PCDHA6: variants seen among roughly 807,000 people sequenced by gnomAD.
PCDHA6 encodes the protein protocadherin alpha 6.
PCDHA6 carries 55 observed loss-of-function variants against 60.3 expected under a neutral mutation model. The ratio of observed to expected loss-of-function variants is 0.91; its 90% confidence interval spans 0.73 to 1.14. The LOEUF (loss-of-function observed/expected upper bound fraction) is 1.14, where lower values mean the gene tolerates loss of function less well. Ranked by LOEUF, PCDHA6 falls within the 50% of genes most tolerant of loss-of-function variation. The pLI is 0.00. For missense variants in PCDHA6, 1,327 were observed against 1,256.5 expected (o/e 1.06, Z -0.85); for synonymous variants, 652 against 557.9 (o/e 1.17, Z -2.38).
At position 140,850,017 on chromosome 5, in the gene PCDHA6, G is replaced by A. The variant is rs149779533; in HGVS notation, c.2394+19532G>A. On this transcript the variant is annotated intron_variant, in intron 1 of 3. Transcript: ENST00000529310. ...GGGCGAGCGCTCGCTGTCGAGCTAC[G>A]TGTCAGTGCACGCGGAGAGCGGCAA... is the stretch of plus-strand genomic sequence containing the variant. 9,030 of 1,596,972 alleles carry A rather than the reference G, an allele frequency of 5.7e-3. 796 individuals are homozygous for A. Among genetic ancestry groups the A allele is most frequent in the South Asian group, 0.03 (2,755 of 90,494 alleles).
chr5:140,975,127 T>C (rs1331047394), intron 1 of PCDHA6, among the ~76,000 whole-genome samples: 2 of 152,288 alleles, frequency 1.3e-5, no homozygotes, highest in East Asian at 1.9e-4. Flanking sequence ...CTACTTACTA[T>C]TGGCCTGGGG....
At chr5:140,904,199 C>A (rs2070936424) in intron 1 of PCDHA6, among the ~76,000 whole-genome samples, 1 of 151,944 alleles carries the variant, frequency 6.6e-6, no homozygotes, top group Non-Finnish European at 1.5e-5. Flanking sequence ...CCCTTTCCCC[C>A]TAAGTCCCCA....
chr5:140,929,522 T>G, intron 1 of PCDHA6: 1 of 727,900 alleles, frequency 1.4e-6, no homozygotes. Context: ...GACTTATAGT[T>G]TATTTTTGAG....
At chr5:140,833,837 T>C (rs1469438718) in intron 1 of PCDHA6, among the ~76,000 whole-genome samples, 1 of 152,176 alleles carries the variant, frequency 6.6e-6, no homozygotes, top group African/African-American at 2.4e-5. Context: ...GAGTACAGGA[T>C]TTTTCTTAAC....
intron 1 of PCDHA6, chr5:140,868,929 AG>A: frequency 9.3e-7 from 1 of 1,070,938 alleles, no homozygotes; most frequent in Non-Finnish European, 1.3e-6. Context: ...GTTCATTTAA[AG>A]GTTGGTCTGA....
chr5:140,836,909 C>T (rs1173581620), intron 1 of PCDHA6: 1 of 579,626 alleles, frequency 1.7e-6, no homozygotes, highest in Non-Finnish European at 2.9e-6. Context: ...TTAATATACA[C>T]TTTTGTTTTG....
rs1781426453 is a variant in PCDHA6, at chr5:140,848,298, G to A, written c.2394+17813G>A. On this transcript the variant is annotated intron_variant, in intron 1 of 3. Transcript: ENST00000529310. ...TATGTACTTACACTTTGGGCCACGTGATGTCACTCTTTGCCGCGATGTTCT... is the reference window on the plus strand; with the variant it reads ...TATGTACTTACACTTTGGGCCACGTAATGTCACTCTTTGCCGCGATGTTCT... 1.4e-5 allele frequency: 9 copies of A among 661,966 alleles called. 1 individual carries two copies. The Admixed American group carries it at 2.4e-4, about 18-fold the overall frequency. The allele number at this position is 661,966 out of a possible 1,614,324, so 41.0% of individuals were successfully genotyped here. A position where few individuals can be genotyped will look rare whatever the true frequency, so the allele number is the denominator to read the frequency against.
intron 3 of PCDHA6, among the ~76,000 whole-genome samples, chr5:140,999,772 T>A (rs1186405321): frequency 6.6e-6 from 1 of 152,182 alleles, no homozygotes; most frequent in Non-Finnish European, 1.5e-5. Flanking sequence ...CTTTATACTC[T>A]TAACCTAGAA....
At chr5:140,844,920 G>A (rs1554140772) in intron 1 of PCDHA6, among the ~76,000 whole-genome samples, 1 of 149,212 alleles carries the variant, frequency 6.7e-6, no homozygotes, top group Non-Finnish European at 1.5e-5. Context: ...AGAAATTGAT[G>A]GAAGGGAATG....
At chr5:140,891,963 A>C (rs1202145353) in intron 1 of PCDHA6, among the ~76,000 whole-genome samples, 1 of 152,214 alleles carries the variant, frequency 6.6e-6, no homozygotes, top group African/African-American at 2.4e-5. Flanking sequence ...TGTGAGAAGT[A>C]AATTTCCGTT....
intron 1 of PCDHA6, chr5:140,870,176 TACGAGAGG>T: frequency 6.2e-7 from 1 of 1,614,126 alleles, no homozygotes; most frequent in Non-Finnish European, 8.5e-7. Flanking sequence ...TCCCTCCCAG[TACGAGAGG>T]ACGCTCAGCC....
At position 140,929,227 on chromosome 5, in the gene PCDHA6, G is replaced by C. The variant is rs141300036; in HGVS notation, c.2395-49722G>C. ...GTTGCGTGGGGAGTACAATGCTGCC[G>C]ACCTGCGAAATCTTGCCACTGGGGT... On this transcript the variant is annotated intron_variant, in intron 1 of 3. Transcript: ENST00000529310. 7.4e-6 allele frequency: 12 copies of C among 1,613,892 alleles called. No homozygotes were observed. In the African/African-American group the frequency reaches 1.5e-4, roughly 20 times the overall value.
chr5:140,958,468 G>T (rs1554223482), intron 1 of PCDHA6, among the ~76,000 whole-genome samples: 6 of 152,040 alleles, frequency 3.9e-5, no homozygotes, highest in Non-Finnish European at 8.8e-5. Flanking sequence ...ACTTCTGCTG[G>T]CTTAAAGAGC....
chr5:140,911,666 C>G (rs2075593137), intron 1 of PCDHA6, among the ~76,000 whole-genome samples: 1 of 152,168 alleles, frequency 6.6e-6, no homozygotes, highest in East Asian at 1.9e-4. Flanking sequence ...AACTCCTTGC[C>G]TCTCACGAAC....
rs1476746131 is a variant in PCDHA6, at chr5:140,870,515, G to A, written c.2394+40030G>A. 8.7e-6 allele frequency: 14 copies of A among 1,614,236 alleles called. No homozygotes were observed. Among genetic ancestry groups the A allele is most frequent in the Non-Finnish European group, 1.1e-5 (13 of 1,180,048 alleles). On this transcript the variant is annotated intron_variant, in intron 1 of 3. Transcript: ENST00000529310. The stretch of plus-strand genomic sequence containing the variant: ...GTGAAGGAGAACAACCCACCAGGCT[G>A]CCACATCTTCACAGTGTCGGCGCGG...
intron 1 of PCDHA6, chr5:140,861,780 G>A (rs2047084073): frequency 1.2e-5 from 2 of 161,142 alleles, no homozygotes; most frequent in African/African-American, 2.4e-5. Flanking sequence ...CCAAGAGCAG[G>A]TAAAACCACT....
intron 1 of PCDHA6, among the ~76,000 whole-genome samples, chr5:140,938,740 A>T (rs1308554709): frequency 1.3e-5 from 2 of 152,150 alleles, no homozygotes; most frequent in East Asian, 3.8e-4. Flanking sequence ...AAAAATAATT[A>T]TTTTTAAAGG....
At chr5:140,985,310 TG>T (rs1563522847) in intron 3 of PCDHA6, among the ~76,000 whole-genome samples, 2 of 152,196 alleles carry the variant, frequency 1.3e-5, no homozygotes, top group African/African-American at 4.8e-5. Flanking sequence ...GATAGCCTGG[TG>T]GCCAGAATTC....
At chr5:140,837,468 A>G (rs1775065496) in intron 1 of PCDHA6, among the ~76,000 whole-genome samples, 1 of 151,630 alleles carries the variant, frequency 6.6e-6, no homozygotes, top group African/African-American at 2.4e-5. Context: ...TTGCCTCCTC[A>G]AACCCCAAAC....
Sources: gnomAD v4.1 joint callset for allele counts (sites outside exome capture counted in the v4.1 genomes callset) on GRCh38, gnomAD v4.1.1 for gene constraint, MANE v1.5 for transcripts, NCBI Gene and HGNC (gene_info 2026-07-23, HGNC 2026-07-21) for gene names.